NPR1: variants seen among roughly 807,000 people sequenced by gnomAD.
The protein encoded by NPR1 is natriuretic peptide receptor 1.
NPR1 carries 57 observed loss-of-function variants against 116.9 expected under a neutral mutation model. The observed-to-expected ratio is 0.49, with a 90% CI of 0.39 to 0.61. NPR1 has a LOEUF of 0.61. Among genes scored for constraint, NPR1 ranks in the 20% least tolerant of loss-of-function variants. The pLI, the probability that NPR1 is intolerant of heterozygous loss-of-function variation, is 0.00. For missense variants in NPR1, 1,096 were observed against 1,409.8 expected (o/e 0.78, Z 3.56); for synonymous variants, 555 against 601.6 (o/e 0.92, Z 1.13).
chr1:153,688,790 CCTT>C, intron 15 of NPR1, 160 bp from the exon 16 acceptor site: 1 of 746,208 alleles, frequency 1.3e-6, no homozygotes, highest in Non-Finnish European at 2.2e-6. Context: ...GAACTTTCTT[CCTT>C]CTGTTTTCCC....
rs778099826 is a variant in NPR1 at position 153,689,939 on chromosome 1, G to A, written c.2891G>A (p.Arg964Gln). ...GTGCGCTCCTTCCGAATCCGCCACC[G>A]GCCCCAGGAGCAGCTGCGCTTGCGC... ...DAVRSFRIRHRPQEQLRLRIG... is the reference protein window; with the variant it reads ...DAVRSFRIRHQPQEQLRLRIG... Residue 964 changes from arginine to glutamine, a missense_variant, in exon 19 of 22, where the codon CGG becomes CAG. Physicochemically the swap from Arg to Gln is conservative, Grantham distance 43. Transcript: ENST00000368680. This position sits in a 1 kb window ranked among gnomAD's most constrained non-coding sequence, Gnocchi z 5.1. The A allele has an allele frequency of 2.0e-5, 31 of 1,548,166 alleles. No homozygotes were observed. In the Admixed American group the frequency reaches 2.7e-4, roughly 14 times the overall value.
In NPR1 at chr1:153,693,526, T is replaced by C. The variant is rs959017285; in HGVS notation, c.*112T>C. ...CCCATCGCCAAAGGATGGAAGTAAT[T>C]TGAATAGCTCAGGTGTGCTGACCCC... On this transcript the variant is annotated 3_prime_UTR_variant, in exon 22 of 22. Transcript: ENST00000368680. The C allele has an allele frequency of 1.2e-5, 11 of 953,688 alleles. No homozygotes were observed. The highest frequency in any genetic ancestry group is 1.4e-5 in the Non-Finnish European group (9 of 629,172). 59.1% of individuals were successfully genotyped at this position (953,688 alleles called of 1,614,324 possible). A position where few individuals can be genotyped will look rare whatever the true frequency, so the allele number is the denominator to read the frequency against.
Position 153,687,366 on chromosome 1 carries a change from G to T in NPR1, c.2092+10G>T. On this transcript the variant is annotated intron_variant, in intron 13 of 21. Transcript: ENST00000368680. Reference sequence around the variant, plus strand: ...CACACCGTTTATGCCAGTGAGCCTTGACTCTTGAACCTAACACCTGCCCCC... The same window carrying T: ...CACACCGTTTATGCCAGTGAGCCTTTACTCTTGAACCTAACACCTGCCCCC... 6.2e-7 allele frequency: 1 copy of T among 1,613,640 alleles called. No individual in the cohort carries two copies. Among genetic ancestry groups the T allele is most frequent in the South Asian group, 1.1e-5 (1 of 90,970 alleles).
chr1:153,680,546 T>G lies in NPR1; in HGVS notation c.767T>G (p.Leu256Arg). 6.2e-7 allele frequency: 1 copy of G among 1,614,186 alleles called. No homozygotes were observed. The highest frequency in any genetic ancestry group is 8.5e-7 in the Non-Finnish European group (1 of 1,180,024). ...CCTGATGCCTTCAGAACCCTCATGC[T>G]CCTGGCCCTGGAAGCTGGCTTGTGT... Reference protein sequence around the residue: ...SSPDAFRTLMLLALEAGLCGE... With the variant: ...SSPDAFRTLMRLALEAGLCGE... Residue 256 changes from leucine (L) to arginine (R), a missense_variant, in exon 2 of 22, where the codon CTC becomes CGC. Coordinates refer to ENST00000368680, the MANE Select transcript of NPR1 (RefSeq NM_000906.4).
intron 6 of NPR1, 103 bp downstream of exon 6, chr1:153,683,614 A>G: frequency 1.3e-6 from 2 of 1,558,616 alleles, no homozygotes; most frequent in African/African-American, 1.4e-5. Flanking sequence ...GGCTTTCTGG[A>G]GAATGACTCC....
At position 153,686,114 on chromosome 1, in the gene NPR1, C is replaced by T. The variant is rs760595138; in HGVS notation, c.1681-9C>T. 2.5e-6 allele frequency: 4 copies of T among 1,613,674 alleles called. No individual in the cohort carries two copies. In the South Asian group the frequency reaches 4.4e-5, roughly 18 times the overall value. On this transcript the variant is annotated splice_polypyrimidine_tract_variant and intron_variant, in intron 9 of 21. Coordinates refer to ENST00000368680, the MANE Select transcript of NPR1 (RefSeq NM_000906.4). ...CTCTTCACAGTGACAGTCTCCATTCCATGCCCAGGGCAACCTCGTGGCTGT... is the reference window on the plus strand; with the variant it reads ...CTCTTCACAGTGACAGTCTCCATTCTATGCCCAGGGCAACCTCGTGGCTGT...
At position 153,688,978 on chromosome 1, in the gene NPR1, A is replaced by C. The variant is rs754117290; in HGVS notation, c.2443A>C (p.Asn815His). Reference protein sequence around the residue: ...NRENSSNILDNLLSRMEQYAN... With the variant: ...NRENSSNILDHLLSRMEQYAN... ...GGAGAACAGCAGCAACATCCTGGAC[A>C]ACCTGCTGTCCCGCATGGAGCAGTA... The change falls in exon 16 of 22, where the codon AAC (asparagine) becomes CAC (histidine). Residue 815 changes from asparagine to histidine, a missense_variant. Transcript: ENST00000368680. 6.2e-7 allele frequency: 1 copy of C among 1,614,194 alleles called. No homozygotes were observed. The highest frequency in any genetic ancestry group is 8.5e-7 in the Non-Finnish European group (1 of 1,180,028).
In NPR1 at chr1:153,679,009, C is replaced by A; in HGVS notation, c.-100C>A. On this transcript the variant is annotated 5_prime_UTR_variant, in exon 1 of 22. Coordinates refer to ENST00000368680, the MANE Select transcript of NPR1 (RefSeq NM_000906.4). This position sits in a 1 kb window ranked among gnomAD's most constrained non-coding sequence, Gnocchi z 4.2. ...GTCCCCGTCCCGCTCCTGCTCCTTC[C>A]CATAGGGACGCGCCTGATGCCTGGG... The A allele has an allele frequency of 7.6e-7, 1 of 1,323,012 alleles. No homozygotes were observed. Among genetic ancestry groups the A allele is most frequent in the Admixed American group, 3.9e-5 (1 of 25,686 alleles). The allele number at this position is 1,323,012 out of a possible 1,614,324, so 82.0% of individuals were successfully genotyped here. A position where few individuals can be genotyped will look rare whatever the true frequency, so the allele number is the denominator to read the frequency against.
chr1:153,689,955 G>T lies in NPR1; in HGVS notation c.2907G>T (p.Leu969=). ...FRIRHRPQEQ[L]RLRIGIHTGP... Reference sequence around the variant, plus strand: ...TCCGCCACCGGCCCCAGGAGCAGCTGCGCTTGCGCATTGGCATCCACACAG... The same window carrying T: ...TCCGCCACCGGCCCCAGGAGCAGCTTCGCTTGCGCATTGGCATCCACACAG... The change falls in exon 19 of 22, where the codon CTG becomes CTT. Residue 969 remains leucine, a synonymous_variant. Coordinates refer to ENST00000368680, the MANE Select transcript of NPR1 (RefSeq NM_000906.4). The surrounding 1 kb of genome is among the most constrained non-coding windows in gnomAD (Gnocchi z 5.1). The T allele has an allele frequency of 6.5e-7, 1 of 1,540,584 alleles. No individual in the cohort carries two copies. Among genetic ancestry groups the T allele is most frequent in the Non-Finnish European group, 8.8e-7 (1 of 1,139,732 alleles).
intron 7 of NPR1, 52 bp downstream of exon 7, chr1:153,683,876 T>G (rs9662664): frequency 0.47 from 718,830 of 1,543,432 alleles, 172,287 homozygotes; most frequent in East Asian, 0.68. Flanking sequence ...GGAGAACCAA[T>G]AGCAGAGGAG....
chr1:153,684,120 T>G (rs547721946), intron 7 of NPR1, among the ~76,000 whole-genome samples: 1 of 152,226 alleles, frequency 6.6e-6, no homozygotes, highest in South Asian at 2.1e-4. Flanking sequence ...TTGCTACTCT[T>G]GCAGGCCAGA....
At chr1:153,687,912 T>C (rs1669976424) in intron 14 of NPR1, 123 bp downstream of exon 14, 1 of 1,175,554 alleles carries the variant, frequency 8.5e-7, no homozygotes. Flanking sequence ...CACCACCCTT[T>C]GACCCATTGC....
At chr1:153,692,508 A>ATTT (rs35874998) in intron 20 of NPR1, among the ~76,000 whole-genome samples, 8 of 136,952 alleles carry the variant, frequency 5.8e-5, no homozygotes, top group African/African-American at 1.9e-4. Context: ...TGAGGCCCTG[A>ATTT]TTTTTTTTTT....
At chr1:153,692,834 T>C (rs1338915227) in intron 20 of NPR1, among the ~76,000 whole-genome samples, 1 of 152,142 alleles carries the variant, frequency 6.6e-6, no homozygotes, top group African/African-American at 2.4e-5. Flanking sequence ...CTGTATTTAG[T>C]TTAAATTAAT....
intron 2 of NPR1, 55 bp downstream of exon 2, chr1:153,680,755 G>T: frequency 1.4e-6 from 2 of 1,420,848 alleles, no homozygotes; most frequent in South Asian, 2.4e-5. Context: ...CATCATTTCT[G>T]GGCACTGTGT....
chr1:153,680,786 TC>T, intron 2 of NPR1, 86 bp downstream of exon 2: 1 of 1,120,320 alleles, frequency 8.9e-7, no homozygotes, highest in Non-Finnish European at 1.3e-6. Context: ...CTGAAAGAAT[TC>T]CAGAAAAGAG....
intron 1 of NPR1, among the ~76,000 whole-genome samples, 192 bp from the exon 2 acceptor site, chr1:153,680,309 C>T (rs1275667342): frequency 2.0e-5 from 3 of 149,496 alleles, no homozygotes; most frequent in South Asian, 2.1e-4. Flanking sequence ...CCCACCGCCC[C>T]GCACCCGCCC....
In NPR1 at chr1:153,684,993, C is replaced by T. The variant is rs771323115; in HGVS notation, c.1514C>T (p.Ser505Leu). 6.2e-6 allele frequency: 10 copies of T among 1,614,126 alleles called. No homozygotes were observed. Among genetic ancestry groups the T allele is most frequent in the South Asian group, 3.3e-5 (3 of 91,078 alleles). Residue 505 changes from serine (S) to leucine (L), a missense_variant, in exon 8 of 22, where the codon TCG becomes TTG. By Grantham distance (145) the Ser-to-Leu change is moderately radical. Transcript: ENST00000368680. The part of the protein sequence containing the change: ...RKMQLEKELA[S>L]ELWRVRWEDV... ...ATGCAGCTGGAGAAGGAACTGGCCT[C>T]GGAGCTGTGGCGGGTGCGCTGGGAG...
chr1:153,680,960 G>T, intron 2 of NPR1: 1 of 597,336 alleles, frequency 1.7e-6, no homozygotes, highest in Non-Finnish European at 3.0e-6. Flanking sequence ...GAGGCGGGAG[G>T]AGGATAAAGT....
Sources: allele counts gnomAD v4.1 joint callset (sites outside exome capture counted in the v4.1 genomes callset), GRCh38; gene constraint gnomAD v4.1.1; non-coding constraint Gnocchi (gnomAD v3.1); transcripts MANE v1.5; gene names NCBI Gene and HGNC (gene_info 2026-07-23, HGNC 2026-07-21).